EML1: variants seen among roughly 807,000 people sequenced by gnomAD.
EML1 encodes the protein EMAP like 1.
In EML1, 27 loss-of-function variants were observed where a neutral mutation model predicts 110.4. The ratio of observed to expected loss-of-function variants is 0.24; its 90% CI spans 0.18 to 0.34. The LOEUF (loss-of-function observed/expected upper bound fraction) is 0.34. EML1 is among the 10% of genes least tolerant of loss of function. The pLI is 1.00. For synonymous variants in EML1, 344 were observed against 385.8 expected, an observed-to-expected ratio of 0.89 and a Z score of 1.27; for missense variants, 741 against 1,030.9, an observed-to-expected ratio of 0.72 and a Z score of 3.85.
chr14:99,923,657 ATCCCCG>A (rs1269294161), intron 17 of EML1, among the ~76,000 whole-genome samples: 19 of 152,312 alleles, frequency 1.2e-4, no homozygotes, highest in South Asian at 2.1e-4. Context: ...ACCTGTGTTT[ATCCCCG>A]ATTACTGTGA....
At position 99,940,079 on chromosome 14, in the gene EML1, A is replaced by G; in HGVS notation, c.2415A>G (p.Lys805=). The change falls in exon 22 of 22, where the codon AAA becomes AAG. Residue 805 remains lysine (K), a synonymous_variant. Coordinates refer to ENST00000262233, the MANE Select transcript of EML1 (RefSeq NM_004434.3). ...GCCACCTCATCTCCACGGGCGGGAA[A>G]GACACAAGCATCATGCAGTGGCGCG... ...EDSHLISTGG[K]DTSIMQWRVI 3.7e-6 allele frequency: 6 copies of G among 1,602,502 alleles called. No homozygotes were observed. The highest frequency in any genetic ancestry group is 5.1e-6 in the Non-Finnish European group (6 of 1,175,052).
At chr14:99,917,915 T>C in intron 16 of EML1, 66 bp downstream of exon 16, 1 of 1,535,892 alleles carries the variant, frequency 6.5e-7, no homozygotes, top group Non-Finnish European at 9.0e-7. Context: ...TGTTTCTATT[T>C]CCCCAGGAAC....
chr14:99,803,918 C>T (rs1002207204), intron 1 of EML1, among the ~76,000 whole-genome samples: 9 of 152,242 alleles, frequency 5.9e-5, no homozygotes, highest in African/African-American at 2.2e-4. Flanking sequence ...AGGAATAGAA[C>T]TTAGTGATGA....
At chr14:99,779,587 A>G (rs957183138) in intron 1 of EML1, among the ~76,000 whole-genome samples, 26 of 152,132 alleles carry the variant, frequency 1.7e-4, no homozygotes, top group African/African-American at 6.0e-4. Context: ...CAACAGGCGA[A>G]CTTCACTTTA....
At chr14:99,792,772 G>C (rs1050159557), upstream of EML1, 1 of 152,308 alleles carries the variant, frequency 6.6e-6, no homozygotes, top group Non-Finnish European at 1.5e-5. Flanking sequence ...GCGAAGGTTC[G>C]AGCTGACTTG....
chr14:99,917,706 C>T (rs993033248), intron 15 of EML1, 76 bp from the exon 16 acceptor site: 28 of 1,399,190 alleles, frequency 2.0e-5, no homozygotes, highest in Middle Eastern at 1.8e-4. Flanking sequence ...TGTGTGTGCA[C>T]GCACTCACGT....
upstream of EML1, among the ~76,000 whole-genome samples, chr14:99,789,565 T>C: frequency 6.6e-6 from 1 of 152,214 alleles, no homozygotes; most frequent in East Asian, 1.9e-4. Flanking sequence ...CACGGCTACC[T>C]GCAGTTCGGA....
At chr14:99,766,112 CCTAT>C (rs531457481) in intron 1 of EML1, among the ~76,000 whole-genome samples, 51 of 151,398 alleles carry the variant, frequency 3.4e-4, no homozygotes, top group African/African-American at 1.0e-3. Flanking sequence ...TGTGCAAACA[CCTAT>C]CTGAGTCTCT....
intron 1 of EML1, among the ~76,000 whole-genome samples, chr14:99,809,076 T>C (rs4905897): frequency 0.4 from 61,027 of 152,078 alleles, 12,940 homozygotes; most frequent in South Asian, 0.57. Context: ...TTTGTTGTCT[T>C]CATGTTAGCA....
At chr14:99,890,867 A>G (rs1377877231) in intron 4 of EML1, among the ~76,000 whole-genome samples, 3 of 152,226 alleles carry the variant, frequency 2.0e-5, no homozygotes, top group African/African-American at 7.2e-5. Flanking sequence ...AGTGTAGGGA[A>G]TAAAAACAAC....
intron 11 of EML1, 26 bp downstream of exon 11, chr14:99,909,505 T>G: frequency 6.2e-7 from 1 of 1,613,822 alleles, no homozygotes; most frequent in Non-Finnish European, 8.5e-7. Flanking sequence ...GATTTTTGCT[T>G]TATTTTTCTC....
intron 16 of EML1, among the ~76,000 whole-genome samples, chr14:99,919,843 G>A (rs968440285): frequency 6.6e-6 from 1 of 152,168 alleles, no homozygotes; most frequent in Non-Finnish European, 1.5e-5. Flanking sequence ...CCACATTTCT[G>A]GGGGGCAGGA....
intron 2 of EML1, among the ~76,000 whole-genome samples, chr14:99,863,877 GAAACTATAT>G (rs2059046104): frequency 6.6e-6 from 1 of 152,250 alleles, no homozygotes; most frequent in Admixed American, 6.5e-5. Context: ...ATCATATGGT[GAAACTATAT>G]TTAGCTTTAT....
At chr14:99,908,962 G>T (rs2059902423) in intron 10 of EML1, among the ~76,000 whole-genome samples, 1 of 152,208 alleles carries the variant, frequency 6.6e-6, no homozygotes, top group Non-Finnish European at 1.5e-5. Flanking sequence ...GCCAGACTGG[G>T]AACCCATGAC....
intron 1 of EML1, among the ~76,000 whole-genome samples, chr14:99,753,070 A>G (rs1306662534): frequency 6.6e-6 from 1 of 151,864 alleles, no homozygotes; most frequent in African/African-American, 2.4e-5. Context: ...TAGCCATAAG[A>G]GGGAAGCAGC....
chr14:99,864,747 G>A (rs1202578488), intron 2 of EML1, among the ~76,000 whole-genome samples: 2 of 150,326 alleles, frequency 1.3e-5, no homozygotes, highest in Admixed American at 6.7e-5. Context: ...AGGAGACCGA[G>A]TTGGCTGAGA....
upstream of EML1, among the ~76,000 whole-genome samples, chr14:99,770,358 G>A (rs1294113522): frequency 1.6e-5 from 2 of 125,960 alleles, no homozygotes; most frequent in African/African-American, 3.1e-5. Context: ...AAGCTCTCGT[G>A]TCTTTTTAAA....
intron 1 of EML1, 87 bp from the exon 2 acceptor site, chr14:99,850,766 C>A: frequency 7.0e-7 from 1 of 1,437,934 alleles, no homozygotes; most frequent in Non-Finnish European, 9.5e-7. Flanking sequence ...AAACAATGGG[C>A]TTAAAACAGC....
At chr14:99,869,978 T>G (rs1205943334) in intron 3 of EML1, among the ~76,000 whole-genome samples, 1 of 152,188 alleles carries the variant, frequency 6.6e-6, no homozygotes, top group Non-Finnish European at 1.5e-5. Flanking sequence ...CAATTAAACC[T>G]CTTTTCTTTA....
Sources: gnomAD v4.1 joint callset for allele counts (sites outside exome capture counted in the v4.1 genomes callset) on GRCh38, gnomAD v4.1.1 for gene constraint, MANE v1.5 for transcripts, NCBI Gene and HGNC (gene_info 2026-07-23, HGNC 2026-07-21) for gene names.